The following AHI1 variants were observed in gnomAD, a reference collection of about 807,000 sequenced individuals.
AHI1 encodes the protein Abelson helper integration site 1, also known as jouberin.
Under a neutral mutation model 149.3 loss-of-function variants are expected in AHI1, and 123 were observed. That is an observed-to-expected ratio of 0.82 (90% CI 0.71 to 0.96). The LOEUF (loss-of-function observed/expected upper bound fraction) is 0.96. Ranked by LOEUF, AHI1 falls within the 40% of genes least tolerant of loss-of-function variation. The probability of loss-of-function intolerance (pLI) is 0.00; values close to 1 mark genes in which losing one functional copy is unlikely to be tolerated. For synonymous variants in AHI1, 475 were observed against 459.8 expected (o/e 1.03, Z -0.42); for missense variants, 1,439 against 1,422.7 (o/e 1.01, Z -0.18).
At chr6:135,463,328 C>T in intron 7 of AHI1, 22 bp from the exon 8 acceptor site, 1 of 1,544,610 alleles carries the variant, frequency 6.5e-7, no homozygotes, top group Non-Finnish European at 8.8e-7. Context: ...ATCCAAGTAT[C>T]AGCCATTACA....
intron 27 of AHI1, among the ~76,000 whole-genome samples, chr6:135,294,783 A>G (rs1583544527): frequency 6.6e-6 from 1 of 151,718 alleles, no homozygotes; most frequent in African/African-American, 2.4e-5. Flanking sequence ...CATACAAACT[A>G]ACTGAAAACA....
intron 7 of AHI1, among the ~76,000 whole-genome samples, chr6:135,464,440 A>T (rs1245319793): frequency 1.3e-5 from 2 of 152,210 alleles, no homozygotes; most frequent in Admixed American, 6.5e-5. Context: ...GAAGCCTCTA[A>T]GATGGACCTT....
intron 8 of AHI1, among the ~76,000 whole-genome samples, chr6:135,460,933 CA>C (rs1467947632): frequency 6.6e-6 from 1 of 152,092 alleles, no homozygotes; most frequent in Non-Finnish European, 1.5e-5. Flanking sequence ...TGATGAACTG[CA>C]TATCTAAATG....
intron 5 of AHI1, among the ~76,000 whole-genome samples, chr6:135,489,480 G>C (rs946501554): frequency 6.6e-6 from 1 of 152,076 alleles, no homozygotes; most frequent in Admixed American, 6.6e-5. Context: ...CTGTTTCCAG[G>C]GTTCTTTTTG....
In AHI1 at chr6:135,285,349, C is replaced by A; in HGVS notation, c.*296G>T. On this transcript the variant is annotated 3_prime_UTR_variant, in exon 29 of 29. Coordinates refer to ENST00000265602, the MANE Select transcript of AHI1 (RefSeq NM_001134831.2). ...TGAGTAGCAATTACAGTGTTTTCTT[C>A]ATTAGTTTTCCAACACTGGTAATGT... The A allele has an allele frequency of 2.1e-6, 1 of 474,324 alleles. No homozygotes were observed. The highest frequency in any genetic ancestry group is 3.6e-5 in the Admixed American group (1 of 27,796). 29.4% of individuals were successfully genotyped at this position (474,324 alleles called of 1,614,324 possible). A position where few individuals can be genotyped will look rare whatever the true frequency, so the allele number is the denominator to read the frequency against.
At chr6:135,405,135 GAA>G (rs1480894330) in intron 21 of AHI1, among the ~76,000 whole-genome samples, 158 bp from the exon 22 acceptor site, 2 of 152,100 alleles carry the variant, frequency 1.3e-5, no homozygotes, top group Non-Finnish European at 2.9e-5. Context: ...TGTTTCCAAT[GAA>G]AGAGACTTAA....
At chr6:135,462,816 G>A (rs1251287806) in intron 8 of AHI1, among the ~76,000 whole-genome samples, 1 of 151,964 alleles carries the variant, frequency 6.6e-6, no homozygotes, top group Non-Finnish European at 1.5e-5. Context: ...CAGGAGAATC[G>A]CTTTAACCCG....
In AHI1 at chr6:135,431,910, A is replaced by C. The variant is rs1784716014; in HGVS notation, c.2267-596T>G. On this transcript the variant is annotated intron_variant, in intron 16 of 28. Transcript: ENST00000265602. Reference sequence around the variant, plus strand: ...CAACTGGTGAACTGCTTCCTGTATTAAAATATTCTTTCTAATTCTGAACAA... The same window carrying C: ...CAACTGGTGAACTGCTTCCTGTATTCAAATATTCTTTCTAATTCTGAACAA... Among the ~76,000 whole-genome samples the C allele has an allele frequency of 4.6e-5, 7 of 151,870 alleles. No individual in the cohort carries two copies. The South Asian group carries it at 1.5e-3, about 32-fold the overall frequency.
chr6:135,325,027 A>AT (rs35569285), intron 24 of AHI1, among the ~76,000 whole-genome samples: 165 of 136,594 alleles, frequency 1.2e-3, no homozygotes, highest in Admixed American at 3.2e-3. Context: ...ACAAATTACA[A>AT]TTTTTTTTTT....
Position 135,339,981 on chromosome 6 carries a change from A to G in AHI1, c.3166-16657T>C, listed in dbSNP as rs373589721. 7.9e-5 allele frequency among the ~76,000 whole-genome samples: 12 copies of G among 152,356 alleles called. 1 individual carries two copies. Among genetic ancestry groups the G allele is most frequent in the East Asian group, 1.9e-4 (1 of 5,188 alleles). On this transcript the variant is annotated intron_variant, in intron 24 of 28. Transcript: ENST00000265602. Reference sequence around the variant, plus strand: ...GTAGATATCTCATAAAAAAATGTGAAGGCCAGAAGTTAGCGGGATGATGCT... The same window carrying G: ...GTAGATATCTCATAAAAAAATGTGAGGGCCAGAAGTTAGCGGGATGATGCT...
At chr6:135,390,289 C>T (rs1366528959) in intron 23 of AHI1, among the ~76,000 whole-genome samples, 1 of 152,136 alleles carries the variant, frequency 6.6e-6, no homozygotes, top group East Asian at 1.9e-4. Context: ...TAACAATTGA[C>T]AAACATAATT....
At chr6:135,452,953 T>C (rs1162129022) in intron 11 of AHI1, among the ~76,000 whole-genome samples, 2 of 152,220 alleles carry the variant, frequency 1.3e-5, no homozygotes, top group Non-Finnish European at 2.9e-5. Flanking sequence ...AAATGATAAA[T>C]TGTGAAATCA....
chr6:135,451,897 T>C (rs1045709440), intron 11 of AHI1, among the ~76,000 whole-genome samples: 2 of 151,990 alleles, frequency 1.3e-5, no homozygotes, highest in African/African-American at 2.4e-5. Flanking sequence ...GAAGGTGTTA[T>C]GGAAAAAGGC....
intron 16 of AHI1, 43 bp downstream of exon 16, chr6:135,432,984 A>C: frequency 6.8e-7 from 1 of 1,469,506 alleles, no homozygotes; most frequent in Non-Finnish European, 9.5e-7. Context: ...GGTAAAAAAA[A>C]ATTCTTCACA....
At chr6:135,373,028 T>C (rs752693127) in intron 23 of AHI1, among the ~76,000 whole-genome samples, 1 of 152,210 alleles carries the variant, frequency 6.6e-6, no homozygotes, top group South Asian at 2.1e-4. Context: ...TATGCTACAA[T>C]GCAGTGTTAG....
At chr6:135,420,444 C>G (rs546079477) in intron 20 of AHI1, among the ~76,000 whole-genome samples, 7 of 152,308 alleles carry the variant, frequency 4.6e-5, no homozygotes, top group African/African-American at 1.7e-4. Context: ...AAAGCTGCTT[C>G]ATCTCCATTG....
intron 27 of AHI1, among the ~76,000 whole-genome samples, chr6:135,291,056 T>C (rs1457831256): frequency 6.6e-6 from 1 of 152,032 alleles, no homozygotes; most frequent in African/African-American, 2.4e-5. Context: ...AATGATTCAA[T>C]GGCAATAGCA....
At chr6:135,384,289 T>C (rs1392249642) in intron 23 of AHI1, among the ~76,000 whole-genome samples, 3 of 151,626 alleles carry the variant, frequency 2.0e-5, no homozygotes, top group Non-Finnish European at 4.4e-5. Flanking sequence ...GTTCTGAATA[T>C]AGTTATAAAG....
chr6:135,379,021 T>C (rs1162656926), intron 23 of AHI1, among the ~76,000 whole-genome samples: 1 of 152,194 alleles, frequency 6.6e-6, no homozygotes, highest in Admixed American at 6.5e-5. Context: ...CCTTCATCTA[T>C]ACTTACACTC....
Sources: gnomAD v4.1 joint callset for allele counts (sites outside exome capture counted in the v4.1 genomes callset) on GRCh38, gnomAD v4.1.1 for gene constraint, MANE v1.5 for transcripts, NCBI Gene and HGNC (gene_info 2026-07-23, HGNC 2026-07-21) for gene names.